The following ME2 variants were observed in gnomAD, a reference collection of about 807,000 sequenced individuals.
The protein encoded by ME2 is malic enzyme 2.
ME2 carries 60 observed loss-of-function variants against 73.7 expected under a neutral mutation model. That is an observed-to-expected ratio of 0.81 (90% confidence interval 0.66 to 1.01). ME2 has a LOEUF of 1.01. Among genes scored for constraint, ME2 ranks in the 50% least tolerant of loss-of-function variants. The probability of loss-of-function intolerance (pLI) is 0.00; values close to 1 mark genes in which losing one functional copy is unlikely to be tolerated. For missense variants in ME2, 594 were observed against 705.5 expected (o/e 0.84, Z 1.79); for synonymous variants, 199 against 236.9 (o/e 0.84, Z 1.47).
intron 12 of ME2, among the ~76,000 whole-genome samples, chr18:50,927,042 C>T (rs1400403311): frequency 1.3e-5 from 2 of 152,078 alleles, no homozygotes; most frequent in Non-Finnish European, 2.9e-5. Flanking sequence ...TATTTACATC[C>T]GAACTGTTTA....
chr18:50,924,041 A>G, intron 10 of ME2, 57 bp from the exon 11 acceptor site: 2 of 1,080,974 alleles, frequency 1.9e-6, no homozygotes, highest in Non-Finnish European at 2.8e-6. Context: ...ATGTCTTTTT[A>G]TTTCATCTTT....
intron 4 of ME2, 67 bp from the exon 5 acceptor site, chr18:50,916,101 C>A (rs1479695472): frequency 2.8e-6 from 3 of 1,061,856 alleles, no homozygotes; most frequent in African/African-American, 1.6e-5. Flanking sequence ...CAAAATATTT[C>A]AATTATGAAC....
At chr18:50,924,364 A>G in intron 11 of ME2, 152 bp downstream of exon 11, 1 of 572,432 alleles carries the variant, frequency 1.7e-6, no homozygotes, top group Non-Finnish European at 3.1e-6. Flanking sequence ...GTTACCATGC[A>G]TGAAATTCAG....
In ME2 at chr18:50,947,797, T is replaced by TA. The variant is rs2144280375; in HGVS notation, c.*614dup. ...ATAACATTATGAGAGTAATGGGAAC[T>TA]ACTGCTGGCTTTAAGTAAATAAAAG... On this transcript the variant is annotated 3_prime_UTR_variant, in exon 16 of 16. Transcript: ENST00000321341. 1 of 152,364 alleles carries TA rather than the reference T, an allele frequency of 6.6e-6. No individual in the cohort carries two copies. Among genetic ancestry groups the TA allele is most frequent in the South Asian group, 2.1e-4 (1 of 4,832 alleles). The allele number at this position is 152,364 out of a possible 1,614,324, so 9.4% of individuals were successfully genotyped here. A position where few individuals can be genotyped will look rare whatever the true frequency, so the allele number is the denominator to read the frequency against.
chr18:50,925,254 G>A (rs1353206146), intron 11 of ME2, among the ~76,000 whole-genome samples: 3 of 152,080 alleles, frequency 2.0e-5, no homozygotes, highest in Non-Finnish European at 4.4e-5. Context: ...CGAGGCAGGC[G>A]GATCACCTGA....
intron 10 of ME2, 144 bp downstream of exon 10, chr18:50,921,331 G>A: frequency 2.0e-6 from 1 of 512,438 alleles, no homozygotes; most frequent in Non-Finnish European, 3.4e-6. Context: ...TTCAACAGAT[G>A]TCCCTAGTCT....
chr18:50,935,829 T>G (rs1024006066), intron 13 of ME2: 3 of 148,270 alleles, frequency 2.0e-5, no homozygotes, highest in African/African-American at 7.5e-5. Context: ...CTGGAAAATA[T>G]CTCAGAAGAA....
At chr18:50,880,150 A>G (rs1916279560) in intron 1 of ME2, among the ~76,000 whole-genome samples, 1 of 152,234 alleles carries the variant, frequency 6.6e-6, no homozygotes, top group Non-Finnish European at 1.5e-5. Flanking sequence ...AGTAGCATGT[A>G]TTAATTGCTA....
rs532801108 is a variant in ME2 at position 50,949,713 on chromosome 18, G to T, written c.*2529G>T. 3.3e-5 allele frequency: 5 copies of T among 152,204 alleles called. No individual in the cohort carries two copies. In the East Asian group the frequency reaches 9.6e-4, roughly 29 times the overall value. 9.4% of individuals were successfully genotyped at this position (152,204 alleles called of 1,614,324 possible). A position where few individuals can be genotyped will look rare whatever the true frequency, so the allele number is the denominator to read the frequency against. ...AAGTATGCCTGGTACAGTCTTCATG[G>T]AAGTTATTAAGTATTTTAAGGAAAA... On this transcript the variant is annotated 3_prime_UTR_variant, in exon 16 of 16. Transcript: ENST00000321341.
chr18:50,902,109 A>T (rs1300007303), intron 2 of ME2, among the ~76,000 whole-genome samples: 1 of 152,250 alleles, frequency 6.6e-6, no homozygotes, highest in Non-Finnish European at 1.5e-5. Context: ...AGCTAAGTAC[A>T]TAGTAAATAC....
At chr18:50,926,377 C>A (rs951983779) in intron 12 of ME2, among the ~76,000 whole-genome samples, 35 of 152,060 alleles carry the variant, frequency 2.3e-4, no homozygotes, top group African/African-American at 8.2e-4. Context: ...AATACTTGAG[C>A]ATTTTGAAGA....
chr18:50,894,955 CA>C (rs779266092), intron 1 of ME2, among the ~76,000 whole-genome samples: 2,110 of 134,262 alleles, frequency 0.016, 33 homozygotes, highest in East Asian at 0.071. Context: ...ATATGAGCTT[CA>C]AAAAAAAAAA....
rs577154549 is a variant in ME2 at position 50,951,634 on chromosome 18, T to G, written c.*4450T>G. The G allele has an allele frequency of 2.6e-5, 4 of 151,514 alleles. No homozygotes were observed. In the East Asian group the frequency reaches 7.8e-4, roughly 29 times the overall value. 9.4% of individuals were successfully genotyped at this position (151,514 alleles called of 1,614,324 possible). ...TGGCTCACGCCTATAATCCCAGCAC[T>G]TTGGGAGGCCAAGGCAGGCGGATCA... On this transcript the variant is annotated 3_prime_UTR_variant, in exon 16 of 16. Transcript: ENST00000321341.
chr18:50,947,461 G>T lies in ME2; in HGVS notation c.*277G>T. 1 of 338,228 alleles carries T rather than the reference G, an allele frequency of 3.0e-6. No individual in the cohort carries two copies. The highest frequency in any genetic ancestry group is 5.4e-6 in the Non-Finnish European group (1 of 186,538). The allele number at this position is 338,228 out of a possible 1,614,324, so 21.0% of individuals were successfully genotyped here. ...AGATGTAAAAAGTGTGTTTGTGAAT[G>T]TCTTCACTTGTACTCTAATTCAGAC... is the stretch of plus-strand genomic sequence containing the variant. On this transcript the variant is annotated 3_prime_UTR_variant, in exon 16 of 16. Coordinates refer to ENST00000321341, the MANE Select transcript of ME2 (RefSeq NM_002396.5).
chr18:50,921,285 C>G (rs1280652402), intron 10 of ME2, 98 bp downstream of exon 10: 3 of 589,886 alleles, frequency 5.1e-6, no homozygotes, highest in Admixed American at 3.8e-5. Context: ...TCATTGGAGT[C>G]TCCAAATTAT....
At chr18:50,915,891 A>C in intron 4 of ME2, 2 of 241,738 alleles carry the variant, frequency 8.3e-6, no homozygotes, top group Non-Finnish European at 7.8e-6. Context: ...CTGGTGGTGT[A>C]TTGAGTTTAT....
At chr18:50,911,320 T>A (rs576978288) in intron 3 of ME2, among the ~76,000 whole-genome samples, 6 of 152,348 alleles carry the variant, frequency 3.9e-5, no homozygotes, top group South Asian at 2.1e-4. Flanking sequence ...CTATTAGCTA[T>A]GTAGAAAATA....
chr18:50,901,724 G>A (rs1916895866), intron 2 of ME2, among the ~76,000 whole-genome samples: 1 of 152,090 alleles, frequency 6.6e-6, no homozygotes. Flanking sequence ...CATAGCCTCC[G>A]ACCCTCAATT....
intron 2 of ME2, among the ~76,000 whole-genome samples, chr18:50,897,522 T>G (rs1421011471): frequency 6.6e-6 from 1 of 150,956 alleles, no homozygotes; most frequent in Non-Finnish European, 1.5e-5. Flanking sequence ...GGTCAGGAGT[T>G]CAAGACCAGC....
Sources: gnomAD v4.1 joint callset for allele counts (sites outside exome capture counted in the v4.1 genomes callset) on GRCh38, gnomAD v4.1.1 for gene constraint, MANE v1.5 for transcripts, NCBI Gene and HGNC (gene_info 2026-07-23, HGNC 2026-07-21) for gene names.